Variants in DCST2 observed in about 807,000 individuals in gnomAD.
The protein encoded by DCST2 is DC-STAMP domain-containing protein 2.
DCST2 carries 64 observed loss-of-function variants against 81.8 expected under a neutral mutation model. The observed-to-expected ratio is 0.78, with a 90% confidence interval of 0.64 to 0.96. The LOEUF (loss-of-function observed/expected upper bound fraction) is 0.96, where lower values mean the gene tolerates loss of function less well. Among genes scored for constraint, DCST2 ranks in the 40% least tolerant of loss-of-function variants. The pLI is 0.00. For synonymous variants in DCST2, 354 were observed against 402.6 expected (o/e 0.88, Z 1.44); for missense variants, 945 against 1,001.4 (o/e 0.94, Z 0.76).
rs1016408683 is a variant in DCST2 at position 155,024,091 on chromosome 1, A to T, written c.1743-132T>A. On this transcript the variant is annotated intron_variant, in intron 11 of 14. Coordinates refer to ENST00000368424, the MANE Select transcript of DCST2 (RefSeq NM_144622.3). ...GTACATCCTCCATCCCTCTGATTTC[A>T]GCAGCAACCTCTCCATGGCCCTGCC... is the stretch of plus-strand genomic sequence containing the variant. 5 of 1,298,336 alleles carry T rather than the reference A, an allele frequency of 3.9e-6. No homozygotes were observed. The Admixed American group carries it at 1.3e-4, about 34-fold the overall frequency. The allele number at this position is 1,298,336 out of a possible 1,614,324, so 80.4% of individuals were successfully genotyped here.
chr1:155,029,242 C>T lies in DCST2; in HGVS notation c.1333G>A (p.Val445Met). 1 of 1,613,434 alleles carries T rather than the reference C, an allele frequency of 6.2e-7. No homozygotes were observed. The highest frequency in any genetic ancestry group is 8.5e-7 in the Non-Finnish European group (1 of 1,179,806). Reference protein sequence around the residue: ...LARHQLQGEIVARSPVLVSLT... With the variant: ...LARHQLQGEIMARSPVLVSLT... ...TCACGTAGGCACTCACTGCGGGCCA[C>T]AATCTCCCCCTGCAGCTGGTGCCGG... Residue 445 changes from valine to methionine, a missense_variant, in exon 8 of 15, where the codon GTG becomes ATG. Physicochemically the swap from Val to Met is conservative, Grantham distance 21. Coordinates refer to ENST00000368424, the MANE Select transcript of DCST2 (RefSeq NM_144622.3).
At chr1:155,019,039 C>T (rs1160214193) in intron 14 of DCST2, among the ~76,000 whole-genome samples, 1 of 152,212 alleles carries the variant, frequency 6.6e-6, no homozygotes, top group African/African-American at 2.4e-5. Flanking sequence ...AAGGCTCAAG[C>T]TGTCCCCTCT....
intron 8 of DCST2, among the ~76,000 whole-genome samples, chr1:155,027,554 C>CT (rs779621299): frequency 0.016 from 1,029 of 63,882 alleles, 11 homozygotes; most frequent in South Asian, 0.021. Flanking sequence ...TTTTTTACTT[C>CT]TTTTTTTTTT....
chr1:155,031,876 T>G, intron 3 of DCST2, 105 bp from the exon 4 acceptor site: 1 of 1,220,844 alleles, frequency 8.2e-7, no homozygotes, highest in Non-Finnish European at 1.2e-6. Flanking sequence ...AGGCCTGTGG[T>G]CAGGGACCTG....
intron 2 of DCST2, 109 bp downstream of exon 2, chr1:155,032,985 G>C (rs1237465294): frequency 4.7e-6 from 6 of 1,282,114 alleles, no homozygotes; most frequent in South Asian, 1.5e-5. Context: ...AGGCCCAGAT[G>C]CTCCGCGATT....
chr1:155,027,545 T>C (rs1489374168), intron 8 of DCST2, among the ~76,000 whole-genome samples: 1 of 147,912 alleles, frequency 6.8e-6, no homozygotes, highest in Admixed American at 6.8e-5. Flanking sequence ...TTTTAGGAGT[T>C]TTTTACTTCT....
Position 155,023,226 on chromosome 1 carries a change from A to G in DCST2, c.1996T>C (p.Trp666Arg), listed in dbSNP as rs773764058. The change falls in exon 14 of 15, where the codon TGG (tryptophan) becomes CGG (arginine). Residue 666 changes from tryptophan (W) to arginine (R), a missense_variant. Coordinates refer to ENST00000368424, the MANE Select transcript of DCST2 (RefSeq NM_144622.3). ...TCCTTCCTTTGAGCTGCAGCCAGCC[A>G]TAGCTGAGGGCCCTCCTCATCGCTG... The part of the protein sequence containing the change: ...DSSDEEGPQL[W>R]LAAAQRKDPE... 39 of 1,614,074 alleles carry G rather than the reference A, an allele frequency of 2.4e-5. No individual in the cohort carries two copies. The highest frequency in any genetic ancestry group is 3.3e-5 in the Non-Finnish European group (39 of 1,180,044).
rs752797871 is a variant in DCST2 at position 155,031,717 on chromosome 1, T to C, written c.596A>G (p.Asn199Ser). ...QWLLHIGDVC[N>S]SELGNPYLKC... ...CAGGTAAGGGTTGCCCAGTTCCGAGTTGCACACATCGCCGATGTGCAGGAG... is the reference window on the plus strand; with the variant it reads ...CAGGTAAGGGTTGCCCAGTTCCGAGCTGCACACATCGCCGATGTGCAGGAG... Residue 199 changes from asparagine to serine, a missense_variant, in exon 4 of 15, where the codon AAC becomes AGC. Coordinates refer to ENST00000368424, the MANE Select transcript of DCST2 (RefSeq NM_144622.3). 5 of 1,614,038 alleles carry C rather than the reference T, an allele frequency of 3.1e-6. No individual in the cohort carries two copies. The highest frequency in any genetic ancestry group is 1.3e-5 in the African/African-American group (1 of 75,022).
chr1:155,026,585 A>T lies in DCST2; in HGVS notation c.1473T>A (p.Arg491=). The T allele has an allele frequency of 6.2e-7, 1 of 1,614,216 alleles. No individual in the cohort carries two copies. The highest frequency in any genetic ancestry group is 1.1e-5 in the South Asian group (1 of 91,090). Residue 491 remains arginine (R), a synonymous_variant, in exon 9 of 15, where the codon CGT becomes CGA. Transcript: ENST00000368424. ...ISILSRRCLL[R]PSEPDSTGYI... ...AGCCAGTGCTGTCAGGCTCCGAGGGACGAAGGAGACAACGCCGGGACAAAA... is the reference window on the plus strand; with the variant it reads ...AGCCAGTGCTGTCAGGCTCCGAGGGTCGAAGGAGACAACGCCGGGACAAAA...
At position 155,018,715 on chromosome 1, in the gene DCST2, C is replaced by G. The variant is rs1659648192; in HGVS notation, c.2151G>C (p.Gln717His). Residue 717 changes from glutamine to histidine, a missense_variant, in exon 15 of 15, where the codon CAG (glutamine) becomes CAC (histidine). Coordinates refer to ENST00000368424, the MANE Select transcript of DCST2 (RefSeq NM_144622.3). ...GCTGATGGGCTTCAGGTAAGGGCTG[C>G]TGCCCGTGCTTCCTCTGCTGAGGCC... ...EKGPQQRKHG[Q>H]QPLPEAHQPV... The G allele has an allele frequency of 6.2e-7, 1 of 1,613,654 alleles. No individual in the cohort carries two copies. The highest frequency in any genetic ancestry group is 8.5e-7 in the Non-Finnish European group (1 of 1,179,948).
At chr1:155,019,608 C>T (rs1466455520) in intron 14 of DCST2, among the ~76,000 whole-genome samples, 2 of 152,222 alleles carry the variant, frequency 1.3e-5, no homozygotes, top group Non-Finnish European at 2.9e-5. Context: ...AAGACAGAGA[C>T]CCTGGGCTGC....
chr1:155,028,401 A>G (rs1659971965), intron 8 of DCST2, among the ~76,000 whole-genome samples: 1 of 152,104 alleles, frequency 6.6e-6, no homozygotes, highest in African/African-American at 2.4e-5. Flanking sequence ...GAGCAGCCTG[A>G]GCAATATGGT....
chr1:155,022,176 T>A (rs974142910), intron 14 of DCST2, among the ~76,000 whole-genome samples: 1 of 152,032 alleles, frequency 6.6e-6, no homozygotes, highest in African/African-American at 2.4e-5. Context: ...CCGCTTATGG[T>A]CTTAAAAGAC....
chr1:155,026,210 A>G, intron 10 of DCST2, 92 bp downstream of exon 10: 1 of 1,209,198 alleles, frequency 8.3e-7, no homozygotes, highest in Non-Finnish European at 1.2e-6. Flanking sequence ...GGGCTGCTGA[A>G]GGAAGTCAGC....
At chr1:155,029,207 G>A in intron 8 of DCST2, 26 bp downstream of exon 8, 1 of 1,610,500 alleles carries the variant, frequency 6.2e-7, no homozygotes, top group Middle Eastern at 2.0e-4. Context: ...GGGTGAGTGG[G>A]AGGAGGCTGT....
intron 2 of DCST2, 110 bp from the exon 3 acceptor site, chr1:155,032,878 G>A: frequency 8.7e-7 from 1 of 1,149,104 alleles, no homozygotes; most frequent in Non-Finnish European, 1.3e-6. Context: ...CCAGAGGCGG[G>A]AAGCCTGGAT....
intron 8 of DCST2, among the ~76,000 whole-genome samples, chr1:155,028,299 T>C (rs1285233341): frequency 1.3e-5 from 2 of 152,116 alleles, no homozygotes; most frequent in African/African-American, 4.8e-5. Flanking sequence ...ACTATTCAGA[T>C]GAGGAAACTG....
intron 10 of DCST2, among the ~76,000 whole-genome samples, chr1:155,025,818 T>C (rs1659887581): frequency 6.6e-6 from 1 of 152,062 alleles, no homozygotes; most frequent in South Asian, 2.1e-4. Context: ...CCCTAGTAGC[T>C]GGGACTACAG....
At chr1:155,032,155 G>A (rs575422503) in intron 3 of DCST2, among the ~76,000 whole-genome samples, 13 of 151,938 alleles carry the variant, frequency 8.6e-5, no homozygotes, top group African/African-American at 1.2e-4. Flanking sequence ...CACCACGCCC[G>A]GCTAACTTTT....
Sources: gnomAD v4.1 joint callset for allele counts (sites outside exome capture counted in the v4.1 genomes callset) on GRCh38, gnomAD v4.1.1 for gene constraint, MANE v1.5 for transcripts, NCBI Gene and HGNC (gene_info 2026-07-23, HGNC 2026-07-21) for gene names.